TSNARE1: variants seen among roughly 807,000 people sequenced by gnomAD.
TSNARE1 encodes the protein t-SNARE domain-containing protein 1.
A neutral mutation model predicts 62.0 loss-of-function variants in TSNARE1; 49 were observed. The ratio of observed to expected loss-of-function variants is 0.79; its 90% confidence interval spans 0.63 to 1.00. TSNARE1 has a LOEUF of 1.00. TSNARE1 is among the 50% of genes least tolerant of loss of function. The pLI, the probability that TSNARE1 is intolerant of heterozygous loss-of-function variation, is 0.00. For synonymous variants in TSNARE1, 328 were observed against 294.4 expected (o/e 1.11, Z -1.17); for missense variants, 755 against 700.1 (o/e 1.08, Z -0.88).
chr8:142,275,649 C>A (rs1225905259), intron 11 of TSNARE1: 2 of 985,354 alleles, frequency 2.0e-6, no homozygotes, highest in Admixed American at 6.1e-5. Context: ...ACGGGCAAGC[C>A]TTCTTCCCGG....
chr8:142,287,274 C>T (rs1822920944), intron 10 of TSNARE1, among the ~76,000 whole-genome samples: 1 of 148,044 alleles, frequency 6.8e-6, no homozygotes, highest in African/African-American at 2.5e-5. Context: ...GACAGTGGGC[C>T]GCCCTCCAGG....
At chr8:142,386,505 C>A (rs918891859) in intron 1 of TSNARE1, among the ~76,000 whole-genome samples, 1 of 151,884 alleles carries the variant, frequency 6.6e-6, no homozygotes, top group East Asian at 1.9e-4. Context: ...ATGTAGGTTA[C>A]CTATCAATAA....
chr8:142,400,671 T>G (rs971354377), intron 1 of TSNARE1, among the ~76,000 whole-genome samples: 6 of 152,130 alleles, frequency 3.9e-5, no homozygotes, highest in Admixed American at 2.0e-4. Context: ...AAAATAAAAA[T>G]AAGAAGAAGA....
intron 1 of TSNARE1, among the ~76,000 whole-genome samples, chr8:142,393,593 C>G (rs1266220717): frequency 6.6e-6 from 1 of 152,232 alleles, no homozygotes; most frequent in Non-Finnish European, 1.5e-5. Flanking sequence ...ATGCCAAACG[C>G]CACGCCCGAA....
intron 12 of TSNARE1, among the ~76,000 whole-genome samples, chr8:142,239,285 G>T (rs952283892): frequency 6.6e-6 from 1 of 152,186 alleles, no homozygotes; most frequent in Non-Finnish European, 1.5e-5. Context: ...GAAGGTGGCC[G>T]GGGGCAGCCA....
intron 1 of TSNARE1, among the ~76,000 whole-genome samples, chr8:142,360,391 C>T (rs1297911583): frequency 6.6e-6 from 1 of 152,154 alleles, no homozygotes; most frequent in African/African-American, 2.4e-5. Context: ...AGAAGCCATT[C>T]GCAGCCCCGC....
intron 9 of TSNARE1, among the ~76,000 whole-genome samples, chr8:142,312,156 T>C (rs1414262738): frequency 6.6e-6 from 1 of 152,226 alleles, no homozygotes; most frequent in African/African-American, 2.4e-5. Flanking sequence ...CAATGAGCAT[T>C]TCCTTTGTGC....
chr8:142,343,211 C>T (rs1832827827), intron 4 of TSNARE1, among the ~76,000 whole-genome samples: 1 of 152,236 alleles, frequency 6.6e-6, no homozygotes, highest in Non-Finnish European at 1.5e-5. Flanking sequence ...AACCTGCCCA[C>T]CCTGACACCA....
rs931050058 is a variant in TSNARE1 at position 142,319,852 on chromosome 8, A to G, written c.894-1218T>C. Among the ~76,000 whole-genome samples the G allele has an allele frequency of 1.3e-5, 2 of 152,162 alleles. No individual in the cohort carries two copies. The highest frequency in any genetic ancestry group is 4.8e-5 in the African/African-American group (2 of 41,452). On this transcript the variant is annotated intron_variant, in intron 6 of 13. Transcript: ENST00000524325. This position sits in a 1 kb window ranked among gnomAD's most constrained non-coding sequence, Gnocchi z 4.9. ...TGTGGGCCAAGGAGGGCAAGGAGCC[A>G]TAAGGTTACTACAGACTAGGCGGGA... is the stretch of plus-strand genomic sequence containing the variant.
At chr8:142,239,831 C>A (rs1817601216) in intron 12 of TSNARE1, among the ~76,000 whole-genome samples, 1 of 152,186 alleles carries the variant, frequency 6.6e-6, no homozygotes, top group Non-Finnish European at 1.5e-5. Context: ...GATAAGGAAG[C>A]ATTAACAATG....
intron 1 of TSNARE1, among the ~76,000 whole-genome samples, chr8:142,373,671 G>A (rs1836070216): frequency 1.3e-5 from 2 of 149,070 alleles, no homozygotes; most frequent in Non-Finnish European, 3.0e-5. Context: ...CCACAGGAGA[G>A]AGAAAGTGAG....
chr8:142,399,088 C>A (rs944294343), intron 1 of TSNARE1, among the ~76,000 whole-genome samples: 2 of 152,190 alleles, frequency 1.3e-5, no homozygotes, highest in Non-Finnish European at 2.9e-5. Flanking sequence ...AACTGGGCTC[C>A]GTAGGTGAGG....
intron 13 of TSNARE1, among the ~76,000 whole-genome samples, chr8:142,225,220 G>A (rs901235467): frequency 2.5e-5 from 3 of 118,794 alleles, no homozygotes; most frequent in Admixed American, 1.1e-4. Flanking sequence ...CACCCTCCAC[G>A]GCTTCGCCTG....
At chr8:142,236,126 G>A (rs781545935) in intron 12 of TSNARE1, among the ~76,000 whole-genome samples, 2 of 152,216 alleles carry the variant, frequency 1.3e-5, no homozygotes, top group African/African-American at 4.8e-5. Context: ...AGTTTCCCCG[G>A]TCAGTTTCCT....
At position 142,342,992 on chromosome 8, in the gene TSNARE1, C is replaced by T. The variant is rs537575814; in HGVS notation, c.745+974G>A. Among the ~76,000 whole-genome samples, 36 of 147,754 alleles carry T rather than the reference C, an allele frequency of 2.4e-4. 1 individual carries two copies. In the South Asian group the frequency reaches 6.4e-3, roughly 26 times the overall value. ...GCAAGAGCTCAGCATGCCATGCCTA[C>T]GCCCTGCACCTGTCCCAGCACCTGC... On this transcript the variant is annotated intron_variant, in intron 4 of 13. Transcript: ENST00000524325.
Position 142,269,429 on chromosome 8 carries a change from C to T in TSNARE1, c.1446+5352G>A, listed in dbSNP as rs530875790. On this transcript the variant is annotated intron_variant, in intron 12 of 13. Coordinates refer to ENST00000524325, the MANE Select transcript of TSNARE1 (RefSeq NM_145003.5). ...GGCTGTGTCCAGGTTAAGACTGTAA[C>T]GCAAGACAGAAAACACACACAGCCA... 2.7e-5 allele frequency: 27 copies of T among 985,378 alleles called. No individual in the cohort carries two copies. In the South Asian group the frequency reaches 3.8e-4, roughly 14 times the overall value. 61.0% of individuals were successfully genotyped at this position (985,378 alleles called of 1,614,324 possible).
At chr8:142,231,590 C>T (rs1715193144) in intron 12 of TSNARE1, among the ~76,000 whole-genome samples, 2 of 152,196 alleles carry the variant, frequency 1.3e-5, no homozygotes, top group Non-Finnish European at 1.5e-5. Context: ...GCGCCCATGG[C>T]TTAGGATACT....
At chr8:142,213,820 G>A (rs1369757131) in intron 13 of TSNARE1, among the ~76,000 whole-genome samples, 2 of 152,192 alleles carry the variant, frequency 1.3e-5, no homozygotes, top group Non-Finnish European at 2.9e-5. Context: ...ATGTGCAGGC[G>A]GCTCCTGCAG....
At chr8:142,377,509 C>A (rs1394038225) in intron 1 of TSNARE1, among the ~76,000 whole-genome samples, 3 of 152,168 alleles carry the variant, frequency 2.0e-5, no homozygotes, top group African/African-American at 4.8e-5. Context: ...TCAGACATAA[C>A]ATGAACTAAG....
Sources: gnomAD v4.1 joint callset for allele counts (sites outside exome capture counted in the v4.1 genomes callset) on GRCh38, gnomAD v4.1.1 for gene constraint, Gnocchi (gnomAD v3.1) non-coding constraint, MANE v1.5 for transcripts, NCBI Gene and HGNC (gene_info 2026-07-23, HGNC 2026-07-21) for gene names.